Variants in UST observed in about 807,000 individuals in gnomAD.
UST encodes the protein chondroitin sulfate 2-O-sulfotransferase.
UST carries 21 observed loss-of-function variants against 45.6 expected under a neutral mutation model. The observed-to-expected ratio is 0.46, with a 90% confidence interval of 0.33 to 0.66. The LOEUF (loss-of-function observed/expected upper bound fraction) is 0.66. Among genes scored for constraint, UST ranks in the 30% least tolerant of loss-of-function variants. UST has a pLI of 0.02. For synonymous variants in UST, 215 were observed against 200.6 expected (o/e 1.07, Z -0.61); for missense variants, 463 against 512.4 (o/e 0.90, Z 0.93).
intron 7 of UST, among the ~76,000 whole-genome samples, chr6:149,052,293 G>A (rs1776498663): frequency 6.6e-6 from 1 of 152,152 alleles, no homozygotes; most frequent in Non-Finnish European, 1.5e-5. Flanking sequence ...AATATATTTT[G>A]AGGATAACAG....
At chr6:149,072,828 A>G (rs1283299691) in intron 7 of UST, among the ~76,000 whole-genome samples, 1 of 152,210 alleles carries the variant, frequency 6.6e-6, no homozygotes, top group Non-Finnish European at 1.5e-5. Flanking sequence ...TAGAGGTTCT[A>G]TCTAATCGAT....
chr6:148,922,837 G>A (rs926565478), intron 2 of UST, among the ~76,000 whole-genome samples: 2 of 151,810 alleles, frequency 1.3e-5, no homozygotes, highest in African/African-American at 4.8e-5. Context: ...CTGTCACCCA[G>A]GCTGGAGTGC....
intron 1 of UST, among the ~76,000 whole-genome samples, chr6:148,766,793 AT>A (rs1776333084): frequency 6.6e-6 from 1 of 152,242 alleles, no homozygotes. Context: ...TAAAAGCTCC[AT>A]GGGTAATTCT....
intron 3 of UST, among the ~76,000 whole-genome samples, chr6:148,949,918 C>T (rs536597991): frequency 4.7e-4 from 72 of 152,254 alleles, no homozygotes; most frequent in African/African-American, 1.5e-3. Flanking sequence ...CCCATTTCCC[C>T]CCTTATCTGC....
intron 1 of UST, among the ~76,000 whole-genome samples, chr6:148,767,062 C>A (rs1306716661): frequency 1.3e-5 from 2 of 152,184 alleles, no homozygotes; most frequent in Non-Finnish European, 2.9e-5. Context: ...GCTTGAGATT[C>A]TGCATTTCCA....
chr6:148,946,666 T>C (rs1362936615), intron 3 of UST, among the ~76,000 whole-genome samples: 1 of 150,396 alleles, frequency 6.6e-6, no homozygotes, highest in African/African-American at 2.5e-5. Context: ...TACAAAAAAT[T>C]AGCCGGGCGT....
intron 5 of UST, among the ~76,000 whole-genome samples, chr6:148,969,634 G>A (rs901911161): frequency 2.6e-5 from 4 of 152,084 alleles, no homozygotes; most frequent in African/African-American, 9.7e-5. Flanking sequence ...CCTTGGCTCC[G>A]TTACTGGCTC....
Position 148,771,222 on chromosome 6 carries a change from G to A in UST, c.247+23545G>A, listed in dbSNP as rs140464027. On this transcript the variant is annotated intron_variant, in intron 1 of 7. Coordinates refer to ENST00000367463, the MANE Select transcript of UST (RefSeq NM_005715.3). ...TTGTCATAGATTAAGTTGGCATTGA[G>A]GCTGTAATTTCTTGCTGTTTGGAAA... is the stretch of plus-strand genomic sequence containing the variant. 1.3e-3 allele frequency among the ~76,000 whole-genome samples: 196 copies of A among 152,274 alleles called. 1 individual carries two copies. The highest frequency in any genetic ancestry group is 4.6e-3 in the African/African-American group (190 of 41,542).
At chr6:149,000,710 C>T (rs1562325726) in intron 5 of UST, among the ~76,000 whole-genome samples, 1 of 151,878 alleles carries the variant, frequency 6.6e-6, no homozygotes, top group Non-Finnish European at 1.5e-5. Context: ...GAATGAATAG[C>T]TTCCATTTAA....
intron 7 of UST, among the ~76,000 whole-genome samples, chr6:149,039,966 G>A (rs1372142440): frequency 6.6e-6 from 1 of 152,196 alleles, no homozygotes; most frequent in African/African-American, 2.4e-5. Flanking sequence ...TTTCAGAACA[G>A]CATGTAAAGC....
intron 2 of UST, among the ~76,000 whole-genome samples, chr6:148,922,724 C>T (rs980604959): frequency 4.0e-5 from 6 of 151,670 alleles, no homozygotes; most frequent in South Asian, 2.1e-4. Flanking sequence ...CCGCCCGCCT[C>T]GGCCTCCCAA....
chr6:148,781,188 G>C (rs1049547869), intron 1 of UST, among the ~76,000 whole-genome samples: 1 of 152,196 alleles, frequency 6.6e-6, no homozygotes, highest in Admixed American at 6.5e-5. Flanking sequence ...ACTGAAGGCT[G>C]GGTCTCTAGC....
At chr6:148,843,325 A>AT (rs1476917294) in intron 1 of UST, among the ~76,000 whole-genome samples, 1 of 152,188 alleles carries the variant, frequency 6.6e-6, no homozygotes, top group Non-Finnish European at 1.5e-5. Context: ...TTGTTTTGTG[A>AT]TTTTAAAATA....
intron 1 of UST, among the ~76,000 whole-genome samples, chr6:148,793,961 A>C (rs1295321876): frequency 1.3e-5 from 2 of 152,190 alleles, no homozygotes; most frequent in African/African-American, 4.8e-5. Context: ...TTTGGTTAAC[A>C]TCAGCGCATA....
intron 3 of UST, among the ~76,000 whole-genome samples, chr6:148,945,975 A>T (rs1158492031): frequency 1.3e-5 from 2 of 152,188 alleles, no homozygotes; most frequent in African/African-American, 4.8e-5. Flanking sequence ...GGAGAGAGAG[A>T]TCCTATGCCC....
At chr6:149,043,846 C>T (rs1363305541) in intron 7 of UST, among the ~76,000 whole-genome samples, 2 of 152,358 alleles carry the variant, frequency 1.3e-5, no homozygotes, top group South Asian at 4.1e-4. Context: ...AGGGCATGTG[C>T]GTTGGTTCCT....
rs534449157 is a variant in UST, at chr6:148,964,625, G to C, written c.681+62G>C. 27 of 1,594,386 alleles carry C rather than the reference G, an allele frequency of 1.7e-5. No homozygotes were observed. The African/African-American group carries it at 3.6e-4, about 21-fold the overall frequency. Reference sequence around the variant, plus strand: ...TGCCTGAGGAGTGGGCCCTCCACCAGGGAAGGTTCACTCTTCCCTTCCCAG... The same window carrying C: ...TGCCTGAGGAGTGGGCCCTCCACCACGGAAGGTTCACTCTTCCCTTCCCAG... On this transcript the variant is annotated intron_variant, in intron 5 of 7. Coordinates refer to ENST00000367463, the MANE Select transcript of UST (RefSeq NM_005715.3).
intron 1 of UST, among the ~76,000 whole-genome samples, chr6:148,865,698 GTGTGT>G (rs1778415369): frequency 6.8e-6 from 1 of 147,770 alleles, no homozygotes; most frequent in Non-Finnish European, 1.5e-5. Context: ...GTGTGTGTGT[GTGTGT>G]GTGTGTGTGT....
chr6:148,967,682 G>C (rs2449391), intron 5 of UST, among the ~76,000 whole-genome samples: 114,343 of 152,066 alleles, frequency 0.75, 43,030 homozygotes, highest in African/African-American at 0.79. Flanking sequence ...CCCTCCCCTC[G>C]GAGGCCCTTC....
Sources: allele counts gnomAD v4.1 joint callset (sites outside exome capture counted in the v4.1 genomes callset), GRCh38; gene constraint gnomAD v4.1.1; transcripts MANE v1.5; gene names NCBI Gene and HGNC (gene_info 2026-07-23, HGNC 2026-07-21).